Variants in AKAP9 observed in about 807,000 individuals in gnomAD.
AKAP9 encodes the protein A-kinase anchor protein 9.
AKAP9 carries 311 observed loss-of-function variants against 488.5 expected under a neutral mutation model. That is an observed-to-expected ratio of 0.64 (90% CI 0.58 to 0.70). The LOEUF (loss-of-function observed/expected upper bound fraction) is 0.70, where lower values mean the gene tolerates loss of function less well. Among genes scored for constraint, AKAP9 ranks in the 30% least tolerant of loss-of-function variants. The pLI is 0.00. For synonymous variants in AKAP9, 1,462 were observed against 1,483.5 expected (o/e 0.99, Z 0.33); for missense variants, 4,215 against 4,374.5 (o/e 0.96, Z 1.03).
At chr7:92,041,644 AAG>A (rs1806128412) in intron 18 of AKAP9, 1 of 169,210 alleles carries the variant, frequency 5.9e-6, no homozygotes, top group Non-Finnish European at 1.3e-5. Flanking sequence ...AACTGAAGCT[AAG>A]AGAGATAATA....
chr7:92,013,372 A>G (rs1364065224), intron 9 of AKAP9, among the ~76,000 whole-genome samples: 4 of 152,126 alleles, frequency 2.6e-5, no homozygotes, highest in African/African-American at 9.7e-5. Flanking sequence ...TTGAGAGTTC[A>G]AGGTGTGTGA....
At chr7:92,009,471 A>G (rs1242482300) in intron 8 of AKAP9, among the ~76,000 whole-genome samples, 3 of 152,224 alleles carry the variant, frequency 2.0e-5, no homozygotes, top group African/African-American at 4.8e-5. Flanking sequence ...TTGAAATCAT[A>G]GAGATTTTCC....
chr7:92,070,498 G>C (rs1489997756), intron 27 of AKAP9, among the ~76,000 whole-genome samples: 1 of 151,756 alleles, frequency 6.6e-6, no homozygotes, highest in Admixed American at 6.6e-5. Context: ...GCAATGGTGC[G>C]ACCTCAGCTT....
At chr7:92,057,736 T>C (rs1176161415) in intron 22 of AKAP9, 1 of 222,298 alleles carries the variant, frequency 4.5e-6, no homozygotes, top group Non-Finnish European at 9.0e-6. Flanking sequence ...CAGGTTCTGC[T>C]TTGAAGGCTT....
At chr7:92,026,185 G>T (rs1236514298) in intron 14 of AKAP9, among the ~76,000 whole-genome samples, 1 of 152,200 alleles carries the variant, frequency 6.6e-6, no homozygotes, top group Non-Finnish European at 1.5e-5. Flanking sequence ...ATCAACAGGG[G>T]TTGCAGATAG....
At chr7:92,008,323 C>T (rs889236025) in intron 8 of AKAP9, among the ~76,000 whole-genome samples, 12 of 151,552 alleles carry the variant, frequency 7.9e-5, no homozygotes, top group African/African-American at 2.2e-4. Context: ...GCCGAGATCG[C>T]GCCACTGCAC....
chr7:92,029,996 T>A lies in AKAP9; in HGVS notation c.4245+5T>A. Reference sequence around the variant, plus strand: ...AATATTGATGGTACAATAGAGGTATTATATTTTTAATTTTTATCTTTTAAC... The same window carrying A: ...AATATTGATGGTACAATAGAGGTATAATATTTTTAATTTTTATCTTTTAAC... On this transcript the variant is annotated splice_donor_5th_base_variant and intron_variant, in intron 15 of 49. Coordinates refer to ENST00000356239, the MANE Select transcript of AKAP9 (RefSeq NM_005751.5). 1.9e-6 allele frequency: 3 copies of A among 1,578,482 alleles called. No individual in the cohort carries two copies. The highest frequency in any genetic ancestry group is 1.7e-6 in the Non-Finnish European group (2 of 1,150,126).
chr7:92,068,382 A>G (rs928020274), intron 26 of AKAP9, among the ~76,000 whole-genome samples: 81 of 150,516 alleles, frequency 5.4e-4, no homozygotes, highest in Admixed American at 2.4e-3. Flanking sequence ...AAAAAAAAAA[A>G]AAAAAGAAAA....
At chr7:92,014,583 C>A (rs1363770470) in intron 10 of AKAP9, among the ~76,000 whole-genome samples, 7 of 152,162 alleles carry the variant, frequency 4.6e-5, no homozygotes, top group Admixed American at 4.6e-4. Context: ...GAGTGGAGAT[C>A]ATGCTACTGC....
chr7:91,986,929 A>C (rs1797168313), intron 3 of AKAP9, among the ~76,000 whole-genome samples: 2 of 151,600 alleles, frequency 1.3e-5, no homozygotes, highest in Non-Finnish European at 1.5e-5. Context: ...TATATACATG[A>C]ATAATTATAT....
At chr7:92,048,539 A>C (rs985837514) in intron 21 of AKAP9, among the ~76,000 whole-genome samples, 5 of 152,152 alleles carry the variant, frequency 3.3e-5, no homozygotes, top group Non-Finnish European at 7.3e-5. Flanking sequence ...TTTTATGCTC[A>C]CCTCTCCCAT....
Position 92,097,235 on chromosome 7 carries a change from G to A in AKAP9, c.10276G>A (p.Val3426Ile), listed in dbSNP as rs767450642. The A allele has an allele frequency of 5.0e-6, 8 of 1,613,156 alleles. No individual in the cohort carries two copies. In the Admixed American group the frequency reaches 1.2e-4, roughly 24 times the overall value. Residue 3426 changes from valine to isoleucine, a missense_variant, in exon 41 of 50, where the codon GTT becomes ATT. Physicochemically the swap from Val to Ile is conservative, Grantham distance 29. Around this residue, in one of 5 missense-constraint regions of AKAP9, gnomAD observed 1,476 missense variants for 1,477.4 expected, o/e 1.00. Transcript: ENST00000356239. ...CCAGCTGGAAGAGAAAAGACAACAA[G>A]TTTATAAGTTAGACCTTGAAGGACA... Reference protein sequence around the residue: ...QRQLEEKRQQVYKLDLEGQRL... With the variant: ...QRQLEEKRQQIYKLDLEGQRL...
intron 7 of AKAP9, among the ~76,000 whole-genome samples, chr7:91,999,649 A>G (rs1798887813): frequency 6.6e-6 from 1 of 152,228 alleles, no homozygotes; most frequent in African/African-American, 2.4e-5. Context: ...AACCTGATCT[A>G]TCTATCTCAC....
At chr7:92,018,560 A>C (rs1260301551) in intron 12 of AKAP9, among the ~76,000 whole-genome samples, 1 of 152,210 alleles carries the variant, frequency 6.6e-6, no homozygotes, top group Non-Finnish European at 1.5e-5. Flanking sequence ...TTTAAAGTTC[A>C]AGCCTTCACT....
At chr7:92,088,104 G>A (rs1814919763) in intron 37 of AKAP9, among the ~76,000 whole-genome samples, 1 of 152,064 alleles carries the variant, frequency 6.6e-6, no homozygotes, top group Non-Finnish European at 1.5e-5. Flanking sequence ...TAAATCCCCA[G>A]AAAATCTTCT....
At chr7:92,073,845 G>A (rs1812129783) in intron 28 of AKAP9, among the ~76,000 whole-genome samples, 2 of 152,110 alleles carry the variant, frequency 1.3e-5, no homozygotes, top group African/African-American at 4.8e-5. Flanking sequence ...CAGGGATCTT[G>A]TTAAAACACA....
At chr7:91,954,809 T>C (rs1792741311) in intron 1 of AKAP9, among the ~76,000 whole-genome samples, 1 of 152,174 alleles carries the variant, frequency 6.6e-6, no homozygotes, top group South Asian at 2.1e-4. Flanking sequence ...CAATAGACTT[T>C]AGGACCCACT....
chr7:92,038,604 G>A lies in AKAP9; in HGVS notation c.4524G>A (p.Val1508=). 2 of 1,613,832 alleles carry A rather than the reference G, an allele frequency of 1.2e-6. No homozygotes were observed. Among genetic ancestry groups the A allele is most frequent in the South Asian group, 1.1e-5 (1 of 91,048 alleles). Reference sequence around the variant, plus strand: ...TTCAGACTTTTGAGACAGTGGATGTGAAATTTAAAGAAGAATTTAAACCAC... The same window carrying A: ...TTCAGACTTTTGAGACAGTGGATGTAAAATTTAAAGAAGAATTTAAACCAC... The part of the protein sequence containing the change: ...IGFQTFETVD[V]KFKEEFKPLS... Residue 1508 remains valine, a synonymous_variant, in exon 17 of 50, where the codon GTG becomes GTA. Transcript: ENST00000356239.
At chr7:92,061,067 C>A (rs187744304) in intron 22 of AKAP9, among the ~76,000 whole-genome samples, 193 bp from the exon 23 acceptor site, 361 of 152,248 alleles carry the variant, frequency 2.4e-3, no homozygotes, top group African/African-American at 8.4e-3. Flanking sequence ...GAAAGTCGTG[C>A]ACAGCCAATA....
Sources: gnomAD v4.1 joint callset for allele counts (sites outside exome capture counted in the v4.1 genomes callset) on GRCh38, gnomAD v4.1.1 for gene constraint, gnomAD v4.1.1 regional missense constraint, MANE v1.5 for transcripts, NCBI Gene and HGNC (gene_info 2026-07-23, HGNC 2026-07-21) for gene names.